FHIT: variants seen among roughly 807,000 people sequenced by gnomAD.
FHIT encodes fragile histidine triad diadenosine triphosphatase, also known as bis(5'-adenosyl)-triphosphatase.
FHIT carries 19 observed loss-of-function variants against 17.9 expected under a neutral mutation model. The observed-to-expected ratio is 1.06, with a 90% confidence interval of 0.74 to 1.56. FHIT has a LOEUF of 1.56. Ranked by LOEUF, FHIT falls within the 40% of genes most tolerant of loss-of-function variation. The pLI is 0.00. For synonymous variants in FHIT, 81 were observed against 69.7 expected, an observed-to-expected ratio of 1.16 and a Z score of -0.81; for missense variants, 248 against 189.2, an observed-to-expected ratio of 1.31 and a Z score of -1.82.
intron 5 of FHIT, among the ~76,000 whole-genome samples, chr3:60,197,922 G>A (rs1243709238): frequency 1.3e-5 from 2 of 152,116 alleles, no homozygotes; most frequent in African/African-American, 4.8e-5. Flanking sequence ...ATTGTTGGAG[G>A]AAGATTCTTA....
At chr3:60,572,938 G>A (rs782154180) in intron 4 of FHIT, among the ~76,000 whole-genome samples, 23 of 152,094 alleles carry the variant, frequency 1.5e-4, no homozygotes, top group East Asian at 7.7e-4. Context: ...ACAGCATTTC[G>A]TTTCATCCTC....
intron 8 of FHIT, among the ~76,000 whole-genome samples, chr3:59,837,076 T>C (rs561126632): frequency 2.6e-5 from 4 of 152,328 alleles, no homozygotes; most frequent in Admixed American, 2.6e-4. Flanking sequence ...TTTTTGGATT[T>C]GCTTAGGAGA....
intron 9 of FHIT, chr3:59,750,237 G>C (rs1445481599): frequency 4.4e-6 from 1 of 226,604 alleles, no homozygotes; most frequent in African/African-American, 2.2e-5. Context: ...TCTAGAAAAA[G>C]CATTCTAAGA....
chr3:60,209,123 A>G (rs1167964648), intron 5 of FHIT, among the ~76,000 whole-genome samples: 1 of 152,188 alleles, frequency 6.6e-6, no homozygotes. Context: ...AAATGCCAAA[A>G]CATTTACCCA....
intron 8 of FHIT, among the ~76,000 whole-genome samples, chr3:59,922,019 G>A (rs766826292): frequency 2.6e-5 from 4 of 152,114 alleles, no homozygotes; most frequent in Non-Finnish European, 4.4e-5. Flanking sequence ...ATTTCCAGTG[G>A]TAGCACTGTA....
intron 5 of FHIT, among the ~76,000 whole-genome samples, chr3:60,131,022 T>TATATACACAC (rs1257975874): frequency 4.6e-4 from 34 of 73,946 alleles, no homozygotes; most frequent in Non-Finnish European, 6.4e-4. Flanking sequence ...TATATACACA[T>TATATACACAC]ATATACATAT....
chr3:60,981,589 G>A (rs937469777), intron 3 of FHIT, among the ~76,000 whole-genome samples: 41 of 151,598 alleles, frequency 2.7e-4, no homozygotes, highest in Admixed American at 9.2e-4. Flanking sequence ...AGGATTACAG[G>A]CGTAAGCCAC....
At chr3:60,247,281 T>A (rs148284026) in intron 5 of FHIT, among the ~76,000 whole-genome samples, 3 of 152,074 alleles carry the variant, frequency 2.0e-5, no homozygotes, top group African/African-American at 7.2e-5. Flanking sequence ...CCTAGCTACT[T>A]GGGAATCTGA....
intron 5 of FHIT, among the ~76,000 whole-genome samples, chr3:60,086,836 C>T (rs1415380986): frequency 4.6e-5 from 7 of 152,172 alleles, no homozygotes; most frequent in African/African-American, 1.4e-4. Flanking sequence ...TGTGGCTTTT[C>T]CAGGTTGAGG....
At chr3:60,406,559 T>C (rs1009268743) in intron 5 of FHIT, among the ~76,000 whole-genome samples, 1 of 152,126 alleles carries the variant, frequency 6.6e-6, no homozygotes, top group Non-Finnish European at 1.5e-5. Flanking sequence ...TTGCTTTCAC[T>C]GTATGTTTTG....
chr3:60,327,047 G>T (rs1333292421), intron 5 of FHIT, among the ~76,000 whole-genome samples: 1 of 152,154 alleles, frequency 6.6e-6, no homozygotes, highest in Non-Finnish European at 1.5e-5. Flanking sequence ...CCTCATGGAG[G>T]TCGTCCCCAG....
intron 8 of FHIT, among the ~76,000 whole-genome samples, chr3:59,777,377 TA>T (rs11429625): frequency 3.4e-5 from 5 of 146,462 alleles, no homozygotes; most frequent in East Asian, 2.0e-4. Context: ...CACCCAAAGA[TA>T]AAAAAAAAAC....
At chr3:60,585,168 C>T (rs1172587835) in intron 4 of FHIT, among the ~76,000 whole-genome samples, 1 of 151,928 alleles carries the variant, frequency 6.6e-6, no homozygotes, top group Non-Finnish European at 1.5e-5. Flanking sequence ...GACAATAGTT[C>T]ATGTGAGAGT....
intron 5 of FHIT, among the ~76,000 whole-genome samples, chr3:60,130,133 C>A (rs1412639203): frequency 6.6e-6 from 1 of 152,116 alleles, no homozygotes; most frequent in African/African-American, 2.4e-5. Flanking sequence ...TGAAAAGGAA[C>A]CTTAGAGAGC....
At chr3:61,246,046 A>C (rs1413464914) in intron 1 of FHIT, among the ~76,000 whole-genome samples, 1 of 152,206 alleles carries the variant, frequency 6.6e-6, no homozygotes, top group Non-Finnish European at 1.5e-5. Context: ...TGGCCACAAG[A>C]GTGACCTCTG....
chr3:60,569,682 C>T (rs1018577768), intron 4 of FHIT, among the ~76,000 whole-genome samples: 3 of 144,444 alleles, frequency 2.1e-5, no homozygotes, highest in African/African-American at 7.7e-5. Context: ...GCAGTACTTC[C>T]CAAATTAGTC....
chr3:59,875,419 A>T (rs550990438), intron 8 of FHIT, among the ~76,000 whole-genome samples: 15 of 152,316 alleles, frequency 9.8e-5, no homozygotes, highest in South Asian at 2.1e-4. Flanking sequence ...GGGCGAAGCC[A>T]TCCTGCCTGG....
Position 60,041,626 on chromosome 3 carries a change from G to C in FHIT, c.104-27474C>G, listed in dbSNP as rs547381794. Among the ~76,000 whole-genome samples the C allele has an allele frequency of 3.3e-5, 5 of 152,278 alleles. No individual in the cohort carries two copies. In the South Asian group the frequency reaches 1.0e-3, roughly 32 times the overall value. ...ATGGGACCCCACTTCTGTCAACCCA[G>C]AGATGATCTGAATAAAGAAGGAGAA... On this transcript the variant is annotated intron_variant, in intron 5 of 9. Transcript: ENST00000492590.
chr3:60,955,314 AC>A (rs1382983256), intron 3 of FHIT, among the ~76,000 whole-genome samples: 1 of 152,154 alleles, frequency 6.6e-6, no homozygotes, highest in Non-Finnish European at 1.5e-5. Flanking sequence ...GGAGAAGACT[AC>A]ATACAGCAGT....
Sources: gnomAD v4.1 joint callset for allele counts (sites outside exome capture counted in the v4.1 genomes callset) on GRCh38, gnomAD v4.1.1 for gene constraint, MANE v1.5 for transcripts, NCBI Gene and HGNC (gene_info 2026-07-23, HGNC 2026-07-21) for gene names.